The following CDH4 variants were observed in gnomAD, a reference collection of about 807,000 sequenced individuals.
The protein encoded by CDH4 is cadherin-4.
A neutral mutation model predicts 86.0 loss-of-function variants in CDH4; 33 were observed. That is an observed-to-expected ratio of 0.38 (90% confidence interval 0.29 to 0.51). The LOEUF is 0.51. CDH4 is among the 20% of genes least tolerant of loss of function. The probability of loss-of-function intolerance (pLI) is 0.86; values close to 1 mark genes in which losing one functional copy is unlikely to be tolerated. For synonymous variants in CDH4, 555 were observed against 549.4 expected (o/e 1.01, Z -0.14); for missense variants, 1,114 against 1,307.4 (o/e 0.85, Z 2.28).
intron 2 of CDH4, among the ~76,000 whole-genome samples, chr20:61,597,002 T>TA (rs1052634728): frequency 5.2e-4 from 79 of 152,328 alleles, no homozygotes; most frequent in African/African-American, 1.8e-3. Flanking sequence ...GCATCTTTAT[T>TA]AACGCGATTA....
At chr20:61,840,546 A>G (rs890611234) in intron 4 of CDH4, among the ~76,000 whole-genome samples, 3 of 152,352 alleles carry the variant, frequency 2.0e-5, no homozygotes, top group Admixed American at 6.5e-5. Flanking sequence ...TAATGTAGAC[A>G]TCACTTTAAA....
chr20:61,322,156 T>C (rs1428829730), intron 2 of CDH4, among the ~76,000 whole-genome samples: 1 of 152,148 alleles, frequency 6.6e-6, no homozygotes, highest in African/African-American at 2.4e-5. Flanking sequence ...ATTCATTCAG[T>C]GCAATGGGGT....
At chr20:61,664,975 T>A (rs772105998) in intron 2 of CDH4, among the ~76,000 whole-genome samples, 2 of 152,202 alleles carry the variant, frequency 1.3e-5, no homozygotes, top group Non-Finnish European at 2.9e-5. Flanking sequence ...GAAAATAAGT[T>A]TGACAGTTGA....
At chr20:61,818,640 T>G (rs1217295889) in intron 4 of CDH4, among the ~76,000 whole-genome samples, 1 of 149,848 alleles carries the variant, frequency 6.7e-6, no homozygotes, top group Non-Finnish European at 1.5e-5. Flanking sequence ...ATTGCCCCAC[T>G]GCACTCCAAC....
intron 7 of CDH4, among the ~76,000 whole-genome samples, chr20:61,891,653 A>C (rs907569345): frequency 6.6e-6 from 1 of 152,112 alleles, no homozygotes; most frequent in Non-Finnish European, 1.5e-5. Flanking sequence ...CCAGCGCCCC[A>C]CTGCACTGAG....
At chr20:61,610,424 T>A (rs2086676127) in intron 2 of CDH4, among the ~76,000 whole-genome samples, 1 of 152,222 alleles carries the variant, frequency 6.6e-6, no homozygotes, top group African/African-American at 2.4e-5. Context: ...GTTGATTCCA[T>A]CTCTTAGCTA....
chr20:61,275,956 C>T (rs1029821616), intron 2 of CDH4, among the ~76,000 whole-genome samples: 3 of 152,068 alleles, frequency 2.0e-5, no homozygotes, highest in African/African-American at 7.3e-5. Context: ...ATTAGTGTGG[C>T]TGGATTTTGA....
intron 2 of CDH4, among the ~76,000 whole-genome samples, chr20:61,662,065 G>A (rs1018354501): frequency 6.6e-6 from 1 of 152,122 alleles, no homozygotes; most frequent in African/African-American, 2.4e-5. Context: ...TTCCCAAGCT[G>A]GGTTTCTCTG....
At position 61,394,006 on chromosome 20, in the gene CDH4, A is replaced by G. The variant is rs111869487; in HGVS notation, c.169+139069A>G. Among the ~76,000 whole-genome samples the G allele has an allele frequency of 8.6e-3, 1,308 of 152,342 alleles. 20 individuals are homozygous for G. The highest frequency in any genetic ancestry group is 0.03 in the African/African-American group (1,251 of 41,580). ...TATCTGCATAGATCACAGAAGACGT[A>G]TAATACAAATACTTATATAAATCAT... On this transcript the variant is annotated intron_variant, in intron 2 of 15. Coordinates refer to ENST00000614565, the MANE Select transcript of CDH4 (RefSeq NM_001794.5).
intron 2 of CDH4, among the ~76,000 whole-genome samples, chr20:61,569,698 G>A (rs1343480257): frequency 3.3e-5 from 5 of 150,756 alleles, no homozygotes; most frequent in African/African-American, 9.8e-5. Flanking sequence ...TTTTTGAGGC[G>A]GCGACCTCCC....
chr20:61,912,203 G>T (rs775758105), intron 9 of CDH4, among the ~76,000 whole-genome samples: 19 of 152,144 alleles, frequency 1.2e-4, no homozygotes, highest in Non-Finnish European at 2.5e-4. Context: ...CACATCTTCT[G>T]GGGCAGAGTT....
At chr20:61,917,794 G>C (rs1314381882) in intron 9 of CDH4, among the ~76,000 whole-genome samples, 2 of 152,246 alleles carry the variant, frequency 1.3e-5, no homozygotes, top group Admixed American at 6.5e-5. Context: ...GAAACTGCTG[G>C]AGCAAATTAC....
At chr20:61,274,924 GTGCACAGTTTGGAGGAGTACCA>G in intron 2 of CDH4, among the ~76,000 whole-genome samples, 1 of 148,254 alleles carries the variant, frequency 6.7e-6, no homozygotes, top group Non-Finnish European at 1.5e-5. Flanking sequence ...GGGGAGTACT[GTGCACAGTTTGGAGGAGTACCA>G]TGTGCAGTTT....
chr20:61,359,797 A>G (rs2084774126), intron 2 of CDH4, among the ~76,000 whole-genome samples: 1 of 152,258 alleles, frequency 6.6e-6, no homozygotes, highest in Admixed American at 6.5e-5. Context: ...AGAGAGAGAC[A>G]GAGGCTTCAC....
At chr20:61,308,587 C>T (rs1419068517) in intron 2 of CDH4, among the ~76,000 whole-genome samples, 2 of 152,234 alleles carry the variant, frequency 1.3e-5, no homozygotes, top group Non-Finnish European at 2.9e-5. Context: ...GCATAATTTC[C>T]TGTGCCTGGG....
chr20:61,631,208 G>A (rs561584742), intron 2 of CDH4, among the ~76,000 whole-genome samples: 72 of 152,336 alleles, frequency 4.7e-4, no homozygotes, highest in African/African-American at 1.5e-3. Flanking sequence ...CTCTCCCACC[G>A]TGATGGCTGC....
chr20:61,805,916 G>C (rs1400499534), intron 4 of CDH4, among the ~76,000 whole-genome samples: 1 of 152,172 alleles, frequency 6.6e-6, no homozygotes, highest in East Asian at 1.9e-4. Context: ...TATATGCTCA[G>C]GAGAGACCCA....
intron 2 of CDH4, among the ~76,000 whole-genome samples, chr20:61,710,841 A>C (rs1568770146): frequency 6.6e-6 from 1 of 152,206 alleles, no homozygotes; most frequent in African/African-American, 2.4e-5. Context: ...GAGACCATGC[A>C]GTCCTGAAAG....
chr20:61,837,245 G>C (rs1415189054), intron 4 of CDH4, among the ~76,000 whole-genome samples: 1 of 152,186 alleles, frequency 6.6e-6, no homozygotes, highest in Non-Finnish European at 1.5e-5. Flanking sequence ...TGCATTTGTA[G>C]AGCTGGTGGG....
Sources: gnomAD v4.1 joint callset for allele counts (sites outside exome capture counted in the v4.1 genomes callset) on GRCh38, gnomAD v4.1.1 for gene constraint, MANE v1.5 for transcripts, NCBI Gene and HGNC (gene_info 2026-07-23, HGNC 2026-07-21) for gene names.